The following AP3D1 variants were observed in gnomAD, a reference collection of about 807,000 sequenced individuals.
AP3D1 encodes adaptor related protein complex 3 subunit delta 1.
In AP3D1, 51 loss-of-function variants were observed where a neutral mutation model predicts 147.6. That is an observed-to-expected ratio of 0.35 (90% confidence interval 0.28 to 0.44). The LOEUF (loss-of-function observed/expected upper bound fraction) is 0.44, where lower values mean the gene tolerates loss of function less well. Among genes scored for constraint, AP3D1 ranks in the 20% least tolerant of loss-of-function variants. AP3D1 has a pLI of 1.00. For synonymous variants in AP3D1, 760 were observed against 663.0 expected, an observed-to-expected ratio of 1.15 and a Z score of -2.25; for missense variants, 1,421 against 1,624.2, an observed-to-expected ratio of 0.87 and a Z score of 2.15.
rs143595468 is a variant in AP3D1 at position 2,103,644 on chromosome 19, G to A, written c.3553-1376C>T. Among the ~76,000 whole-genome samples, 1,180 of 152,310 alleles carry A rather than the reference G, an allele frequency of 7.7e-3. 6 individuals are homozygous for A. Among genetic ancestry groups the A allele is most frequent in the African/African-American group, 0.014 (562 of 41,556 alleles). On this transcript the variant is annotated intron_variant, in intron 31 of 31. Coordinates refer to ENST00000643116, the MANE Select transcript of AP3D1 (RefSeq NM_001261826.3). Reference sequence around the variant, plus strand: ...CAGGGACAAGAGGCAGCACTGACAGGAGAGGCTGGGCAGGTGGTGGTGTGC... The same window carrying A: ...CAGGGACAAGAGGCAGCACTGACAGAAGAGGCTGGGCAGGTGGTGGTGTGC...
At chr19:2,151,898 G>A (rs1171501904), upstream of AP3D1, among the ~76,000 whole-genome samples, 1 of 152,250 alleles carries the variant, frequency 6.6e-6, no homozygotes, top group African/African-American at 2.4e-5. Context: ...CGCCCACGTG[G>A]AGCTTAGCCG....
At position 2,130,378 on chromosome 19, in the gene AP3D1, A is replaced by G. The variant is rs748450101; in HGVS notation, c.592+30T>C. The G allele has an allele frequency of 1.9e-6, 3 of 1,613,170 alleles. No homozygotes were observed. In the South Asian group the frequency reaches 3.3e-5, roughly 18 times the overall value. ...GGGCACCGGCTGAGCCCCCACCCTC[A>G]ACCCTGAGGCTTAACTCAAATCCAC... On this transcript the variant is annotated intron_variant, in intron 6 of 31. Transcript: ENST00000643116.
intron 1 of AP3D1, among the ~76,000 whole-genome samples, chr19:2,163,223 G>A (rs890602697): frequency 4.6e-5 from 7 of 151,978 alleles, no homozygotes; most frequent in African/African-American, 1.4e-4. Context: ...ACAGGCGCCC[G>A]CCACCGCGCC....
Position 2,112,909 on chromosome 19 carries a change from G to A in AP3D1, c.2738C>T (p.Thr913Met), listed in dbSNP as rs1387464103. Residue 913 changes from threonine to methionine, a missense_variant, in exon 24 of 32, where the codon ACG becomes ATG. Transcript: ENST00000643116. ...ATCGTCCTCCTCGCCCTGCGCCTCC[G>A]TCTTGGCGTCCTCACACTCGTCCTT... The part of the protein sequence containing the change: ...TPKDECEDAK[T>M]EAQGEEDDAE... 6.8e-6 allele frequency: 11 copies of A among 1,613,206 alleles called. No homozygotes were observed. Among genetic ancestry groups the A allele is most frequent in the Admixed American group, 3.3e-5 (2 of 59,976 alleles).
chr19:2,122,594 G>C (rs933846812), intron 11 of AP3D1, among the ~76,000 whole-genome samples: 7 of 152,254 alleles, frequency 4.6e-5, no homozygotes, highest in Non-Finnish European at 1.5e-5. Context: ...GCGAAGTTCA[G>C]TGTGTACATT....
rs1391464598 is a variant in AP3D1 at position 2,131,611 on chromosome 19, G to A, written c.462+860C>T. ...AGACACCAGGTGGACAGGCAGCCAC[G>A]CGGGGACAGCGCCCATCGGCCACGA... On this transcript the variant is annotated intron_variant, in intron 5 of 31. Transcript: ENST00000643116. Among the ~76,000 whole-genome samples, 11 of 132,992 alleles carry A rather than the reference G, an allele frequency of 8.3e-5. 1 individual carries two copies. Among genetic ancestry groups the A allele is most frequent in the African/African-American group, 2.3e-4 (7 of 31,032 alleles). 87.2% of individuals were successfully genotyped at this position (132,992 alleles called of 152,430 possible).
chr19:2,164,317 C>T, intron 1 of AP3D1: 1 of 1,201,990 alleles, frequency 8.3e-7, no homozygotes, highest in South Asian at 4.1e-5. Flanking sequence ...TCCTCCGCCG[C>T]CCCTGGGGAC....
At chr19:2,132,860 G>A (rs908516884) in intron 4 of AP3D1, among the ~76,000 whole-genome samples, 4 of 152,058 alleles carry the variant, frequency 2.6e-5, no homozygotes, top group African/African-American at 9.7e-5. Flanking sequence ...AGGCTGAAAC[G>A]CTCTGTGGGT....
chr19:2,101,980 T>G lies in AP3D1; in HGVS notation c.*193A>C. On this transcript the variant is annotated 3_prime_UTR_variant, in exon 32 of 32. Coordinates refer to ENST00000643116, the MANE Select transcript of AP3D1 (RefSeq NM_001261826.3). ...TTCTTGCCAAAGAGAATGGGAAGAG[T>G]CACAGTAAAAAAGGATGGTCAGATA... 5.4e-6 allele frequency: 3 copies of G among 557,334 alleles called. No homozygotes were observed. Among genetic ancestry groups the G allele is most frequent in the East Asian group, 3.2e-5 (1 of 31,148 alleles). The allele number at this position is 557,334 out of a possible 1,614,324, so 34.5% of individuals were successfully genotyped here. A position where few individuals can be genotyped will look rare whatever the true frequency, so the allele number is the denominator to read the frequency against.
chr19:2,114,391 T>C, intron 21 of AP3D1, 89 bp from the exon 22 acceptor site: 2 of 1,092,386 alleles, frequency 1.8e-6, no homozygotes, highest in South Asian at 2.9e-5. Context: ...CATGTGGCAG[T>C]GCGGGACCTG....
rs758377101 is a variant in AP3D1, at chr19:2,138,656, A to G, written c.155T>C (p.Ile52Thr). ...EIKQELKQDN[I>T]AVKANAVCKL... ...GCAGACCGCGTTCGCCTTCACCGCT[A>G]TGTTGTCCTGCTTCAGCTCCTGCTT... The change falls in exon 2 of 32, where the codon ATA becomes ACA. Residue 52 changes from isoleucine to threonine, a missense_variant. By Grantham distance (89) the Ile-to-Thr change is moderately conservative. This residue lies in a region of AP3D1 where 292 missense variants were observed against 412.0 expected (regional missense o/e 0.71). Coordinates refer to ENST00000643116, the MANE Select transcript of AP3D1 (RefSeq NM_001261826.3). 11 of 1,613,968 alleles carry G rather than the reference A, an allele frequency of 6.8e-6. No individual in the cohort carries two copies. Among genetic ancestry groups the G allele is most frequent in the Middle Eastern group, 1.6e-4 (1 of 6,062 alleles).
chr19:2,115,709 C>G, intron 18 of AP3D1, 96 bp from the exon 19 acceptor site: 1 of 1,315,550 alleles, frequency 7.6e-7, no homozygotes, highest in East Asian at 2.4e-5. Flanking sequence ...GCAGCCCCAA[C>G]ATCCTAAGGA....
At chr19:2,103,099 G>C (rs1266172391) in intron 31 of AP3D1, among the ~76,000 whole-genome samples, 1 of 152,200 alleles carries the variant, frequency 6.6e-6, no homozygotes, top group African/African-American at 2.4e-5. Flanking sequence ...ACACCAGCCT[G>C]GGCGATAAGA....
intron 3 of AP3D1, among the ~76,000 whole-genome samples, 188 bp downstream of exon 3, chr19:2,137,539 C>T (rs2019109370): frequency 6.6e-6 from 1 of 152,176 alleles, no homozygotes; most frequent in South Asian, 2.1e-4. Flanking sequence ...TGGTCTCCAA[C>T]TCCCAACCTC....
intron 11 of AP3D1, 78 bp from the exon 12 acceptor site, chr19:2,121,957 G>A: frequency 1.3e-6 from 2 of 1,483,094 alleles, no homozygotes; most frequent in Non-Finnish European, 1.8e-6. Flanking sequence ...GGCTCTCCGG[G>A]CCGGGTCTCC....
chr19:2,137,669 G>A, intron 3 of AP3D1, 58 bp downstream of exon 3: 2 of 1,450,032 alleles, frequency 1.4e-6, no homozygotes, highest in Non-Finnish European at 9.6e-7. Flanking sequence ...GCCAGTCACG[G>A]TGCCTCACAC....
chr19:2,160,671 C>T (rs939229119), intron 1 of AP3D1, among the ~76,000 whole-genome samples: 3 of 152,144 alleles, frequency 2.0e-5, no homozygotes, highest in Admixed American at 1.3e-4. Flanking sequence ...GCCCGGATAA[C>T]CTGTACTCAG....
intron 4 of AP3D1, chr19:2,133,333 C>A (rs12981497): frequency 1.3e-5 from 2 of 152,038 alleles, no homozygotes; most frequent in African/African-American, 4.8e-5. Context: ...CACTAAAACA[C>A]GGAATCTGCC....
chr19:2,148,825 A>C lies in AP3D1; in HGVS notation c.96+2414T>G, dbSNP rs530417791. On this transcript the variant is annotated intron_variant, in intron 1 of 31. Coordinates refer to ENST00000643116, the MANE Select transcript of AP3D1 (RefSeq NM_001261826.3). ...CTAAGCCTTGTTTCCATGATGCCAC[A>C]CTCAAGTTTTAGGTGAAAATCTATT... is the stretch of plus-strand genomic sequence containing the variant. 5.3e-5 allele frequency among the ~76,000 whole-genome samples: 8 copies of C among 152,292 alleles called. No individual in the cohort carries two copies. In the South Asian group the frequency reaches 1.0e-3, roughly 20 times the overall value.
Sources: gnomAD v4.1 joint callset for allele counts (sites outside exome capture counted in the v4.1 genomes callset) on GRCh38, gnomAD v4.1.1 for gene constraint, gnomAD v4.1.1 regional missense constraint, MANE v1.5 for transcripts, NCBI Gene and HGNC (gene_info 2026-07-23, HGNC 2026-07-21) for gene names.